TMEM131L: variants seen among roughly 807,000 people sequenced by gnomAD.
TMEM131L encodes transmembrane protein 131-like.
Under a neutral mutation model 192.2 loss-of-function variants are expected in TMEM131L, and 54 were observed. The ratio of observed to expected loss-of-function variants is 0.28; its 90% CI spans 0.23 to 0.35. The LOEUF (loss-of-function observed/expected upper bound fraction) is 0.35, where lower values mean the gene tolerates loss of function less well. Among genes scored for constraint, TMEM131L ranks in the 10% least tolerant of loss-of-function variants. The probability of loss-of-function intolerance (pLI) is 1.00; values close to 1 mark genes in which losing one functional copy is unlikely to be tolerated. For synonymous variants in TMEM131L, 701 were observed against 704.9 expected, an observed-to-expected ratio of 0.99 and a Z score of 0.09; for missense variants, 1,888 against 1,972.9, an observed-to-expected ratio of 0.96 and a Z score of 0.82.
At chr4:153,626,020 G>T in intron 29 of TMEM131L, 127 bp from the exon 30 acceptor site, 1 of 591,944 alleles carries the variant, frequency 1.7e-6, no homozygotes. Flanking sequence ...AAAAATGTGA[G>T]AATATCAGTT....
At chr4:153,513,099 T>G (rs972996525) in intron 3 of TMEM131L, among the ~76,000 whole-genome samples, 2 of 152,202 alleles carry the variant, frequency 1.3e-5, no homozygotes, top group Non-Finnish European at 1.5e-5. Flanking sequence ...CATAAGGCAG[T>G]CAGTAGAGCT....
At chr4:153,510,009 T>C (rs1416369350) in intron 3 of TMEM131L, among the ~76,000 whole-genome samples, 1 of 152,238 alleles carries the variant, frequency 6.6e-6, no homozygotes, top group Non-Finnish European at 1.5e-5. Flanking sequence ...TGCTACCTTT[T>C]CATTTTAAAA....
intron 3 of TMEM131L, among the ~76,000 whole-genome samples, chr4:153,496,931 G>C (rs1230795837): frequency 6.6e-6 from 1 of 151,910 alleles, no homozygotes; most frequent in Non-Finnish European, 1.5e-5. Flanking sequence ...CACGATCATG[G>C]TTCACTTCAG....
At chr4:153,567,325 C>T (rs943328076) in intron 7 of TMEM131L, among the ~76,000 whole-genome samples, 1 of 152,152 alleles carries the variant, frequency 6.6e-6, no homozygotes, top group Non-Finnish European at 1.5e-5. Context: ...ATTGTGATAG[C>T]TGAGAATTCC....
intron 2 of TMEM131L, 78 bp from the exon 3 acceptor site, chr4:153,473,767 G>A (rs1235694858): frequency 1.7e-6 from 2 of 1,196,350 alleles, no homozygotes; most frequent in Non-Finnish European, 1.2e-6. Context: ...ACTCCAGCCT[G>A]GGTGACAGAG....
intron 3 of TMEM131L, among the ~76,000 whole-genome samples, chr4:153,488,099 G>A (rs942916095): frequency 1.3e-5 from 2 of 150,574 alleles, no homozygotes; most frequent in Admixed American, 6.6e-5. Context: ...GCTGAGTTTT[G>A]TGTGCGTGTG....
In TMEM131L at chr4:153,584,791, G is replaced by T. The variant is rs1486194206; in HGVS notation, c.1061-44G>T. 3 of 1,395,276 alleles carry T rather than the reference G, an allele frequency of 2.2e-6. No homozygotes were observed. The South Asian group carries it at 3.5e-5, about 16-fold the overall frequency. 86.4% of individuals were successfully genotyped at this position (1,395,276 alleles called of 1,614,324 possible). ...TATCTTTTGTTCAGGCTTAATGAAA[G>T]AAAAGGTACTTAAGCTTCACATTTA... On this transcript the variant is annotated intron_variant, in intron 11 of 34. Coordinates refer to ENST00000409959, the MANE Select transcript of TMEM131L (RefSeq NM_001131007.2).
intron 32 of TMEM131L, 51 bp from the exon 33 acceptor site, chr4:153,634,141 T>G (rs190470074): frequency 6.9e-7 from 1 of 1,448,826 alleles, no homozygotes; most frequent in Admixed American, 1.7e-5. Context: ...TTTTCTTTAC[T>G]TGATGTCTTG....
At chr4:153,628,085 C>T (rs1318118375) in intron 31 of TMEM131L, among the ~76,000 whole-genome samples, 1 of 152,224 alleles carries the variant, frequency 6.6e-6, no homozygotes, top group Non-Finnish European at 1.5e-5. Context: ...GCTGAGGGTG[C>T]AGCACCTCAC....
chr4:153,553,326 C>T (rs1393616518), intron 4 of TMEM131L, among the ~76,000 whole-genome samples: 1 of 152,004 alleles, frequency 6.6e-6, no homozygotes, highest in Non-Finnish European at 1.5e-5. Context: ...AGAAGGAATG[C>T]CATTTGCTCA....
chr4:153,610,394 A>G (rs1408762675), intron 25 of TMEM131L, among the ~76,000 whole-genome samples: 1 of 152,128 alleles, frequency 6.6e-6, no homozygotes, highest in Non-Finnish European at 1.5e-5. Flanking sequence ...ATGATGCTTT[A>G]TTTTATTTAT....
chr4:153,630,162 A>G (rs1204380613), intron 31 of TMEM131L, among the ~76,000 whole-genome samples: 3 of 152,214 alleles, frequency 2.0e-5, no homozygotes, highest in East Asian at 3.9e-4. Context: ...CCTTATTTCT[A>G]TGTAGCCCTG....
chr4:153,489,874 C>T (rs1732644979), intron 3 of TMEM131L, among the ~76,000 whole-genome samples: 1 of 151,984 alleles, frequency 6.6e-6, no homozygotes, highest in African/African-American at 2.4e-5. Context: ...TGTCAGAATT[C>T]AGAAAAAAGC....
intron 3 of TMEM131L, among the ~76,000 whole-genome samples, chr4:153,529,089 T>G (rs1359998184): frequency 6.6e-6 from 1 of 152,022 alleles, no homozygotes; most frequent in Non-Finnish European, 1.5e-5. Flanking sequence ...CTGTGATCAC[T>G]GGTGATTTCT....
rs539872636 is a variant in TMEM131L, at chr4:153,485,537, A to T, written c.239+11649A>T. ...TGGCCTGCCAAGTGAACCATGTAAA[A>T]TGTATATAGTAAATAATTCATATTG... On this transcript the variant is annotated intron_variant, in intron 3 of 34. Coordinates refer to ENST00000409959, the MANE Select transcript of TMEM131L (RefSeq NM_001131007.2). 1.6e-4 allele frequency among the ~76,000 whole-genome samples: 25 copies of T among 152,332 alleles called. No individual in the cohort carries two copies. The South Asian group carries it at 4.8e-3, about 29-fold the overall frequency.
At chr4:153,519,748 A>G (rs1734978156) in intron 3 of TMEM131L, among the ~76,000 whole-genome samples, 1 of 152,250 alleles carries the variant, frequency 6.6e-6, no homozygotes, top group Non-Finnish European at 1.5e-5. Context: ...GCTGTAAGAC[A>G]GAAATTCACT....
intron 3 of TMEM131L, among the ~76,000 whole-genome samples, chr4:153,532,166 T>C (rs961378053): frequency 1.2e-4 from 19 of 152,218 alleles, no homozygotes; most frequent in African/African-American, 4.1e-4. Context: ...ATTTTGCACT[T>C]GGATAATAGT....
chr4:153,615,922 G>C (rs140342135), intron 26 of TMEM131L, among the ~76,000 whole-genome samples: 104 of 152,288 alleles, frequency 6.8e-4, no homozygotes, highest in African/African-American at 2.4e-3. Flanking sequence ...AGGCTTAGCT[G>C]TGCCCTTGGT....
intron 3 of TMEM131L, among the ~76,000 whole-genome samples, chr4:153,481,164 CTT>C (rs1271359537): frequency 1.3e-5 from 2 of 151,850 alleles, no homozygotes; most frequent in Non-Finnish European, 2.9e-5. Flanking sequence ...TGCCAAAACA[CTT>C]TTCTCTTCCC....
Sources: allele counts gnomAD v4.1 joint callset (sites outside exome capture counted in the v4.1 genomes callset), GRCh38; gene constraint gnomAD v4.1.1; transcripts MANE v1.5; gene names NCBI Gene and HGNC (gene_info 2026-07-23, HGNC 2026-07-21).